The following PRRC2A variants were observed in gnomAD, a reference collection of about 807,000 sequenced individuals.
PRRC2A encodes the protein proline rich coiled-coil 2A.
A neutral mutation model predicts 224.6 loss-of-function variants in PRRC2A; 59 were observed. The ratio of observed to expected loss-of-function variants is 0.26; its 90% CI spans 0.21 to 0.33. The LOEUF (loss-of-function observed/expected upper bound fraction) is 0.33. Among genes scored for constraint, PRRC2A ranks in the 10% least tolerant of loss-of-function variants. PRRC2A has a pLI of 1.00. For missense variants in PRRC2A, 3,095 were observed against 2,880.7 expected, an observed-to-expected ratio of 1.07 and a Z score of -1.70; for synonymous variants, 1,194 against 1,109.5, an observed-to-expected ratio of 1.08 and a Z score of -1.51.
In PRRC2A at chr6:31,635,950, G is replaced by A. The variant is rs1162695123; in HGVS notation, c.5542-17G>A. The stretch of plus-strand genomic sequence containing the variant: ...CACAGATACTAAAGCTGTTTCAACC[G>A]TGCTCCTCTCCTGCAGATCTCTGGG... On this transcript the variant is annotated splice_polypyrimidine_tract_variant and intron_variant, in intron 24 of 30. Coordinates refer to ENST00000376033, the MANE Select transcript of PRRC2A (RefSeq NM_004638.4). 10 of 1,592,146 alleles carry A rather than the reference G, an allele frequency of 6.3e-6. No individual in the cohort carries two copies. In the East Asian group the frequency reaches 8.9e-5, roughly 14 times the overall value.
intron 3 of PRRC2A, 41 bp downstream of exon 3, chr6:31,623,950 A>G: frequency 6.2e-7 from 1 of 1,601,760 alleles, no homozygotes; most frequent in Non-Finnish European, 8.5e-7. Context: ...TGGGTATTTT[A>G]ACTTGAACTT....
In PRRC2A at chr6:31,634,870, A is replaced by G. The variant is rs1186361548; in HGVS notation, c.5053A>G (p.Lys1685Glu). 6.2e-7 allele frequency: 1 copy of G among 1,612,946 alleles called. No individual in the cohort carries two copies. Among genetic ancestry groups the G allele is most frequent in the Non-Finnish European group, 8.5e-7 (1 of 1,179,982 alleles). The change falls in exon 21 of 31, where the codon AAG becomes GAG. Residue 1685 changes from lysine to glutamate, a missense_variant. Coordinates refer to ENST00000376033, the MANE Select transcript of PRRC2A (RefSeq NM_004638.4). The part of the protein sequence containing the change: ...GLKGAAEGPP[K>E]RPGGSSPLNA... The stretch of plus-strand genomic sequence containing the variant: ...CAAGGGGGCAGCAGAGGGACCCCCC[A>G]AGAGGCCTGGAGGCTCCTCACCCCT...
At position 31,627,695 on chromosome 6, in the gene PRRC2A, G is replaced by A; in HGVS notation, c.1291-70G>A. The A allele has an allele frequency of 6.4e-7, 1 of 1,556,104 alleles. No homozygotes were observed. The highest frequency in any genetic ancestry group is 8.7e-7 in the Non-Finnish European group (1 of 1,149,178). On this transcript the variant is annotated intron_variant, in intron 11 of 30. Transcript: ENST00000376033. This position sits in a 1 kb window ranked among gnomAD's most constrained non-coding sequence, Gnocchi z 5.6. ...TCCTGCAAGTAGCGACAGTTGATTT[G>A]TTGTAAAAGAGATGATAGAAAGCAT...
In PRRC2A at chr6:31,637,510, G is replaced by T. The variant is rs377155028; in HGVS notation, c.6398G>T (p.Arg2133Leu). The T allele has an allele frequency of 2.1e-4, 339 of 1,579,546 alleles. 1 individual carries two copies. The highest frequency in any genetic ancestry group is 2.7e-4 in the Non-Finnish European group (315 of 1,163,578). Residue 2133 changes from arginine (R) to leucine (L), a missense_variant, in exon 31 of 31, where the codon CGA (arginine) becomes CTA (leucine). Physicochemically the swap from Arg to Leu is moderately radical, Grantham distance 102. This residue lies in a region of PRRC2A where 662 missense variants were observed against 609.5 expected (regional missense o/e 1.09). Transcript: ENST00000376033. ...KPWERTGPPP[R>L]EGPSRRAEEP... ...TGGGAGCGGACAGGGCCGCCACCTC[G>T]AGAAGGGCCCTCCCGACGGGCAGAG...
chr6:31,634,017 C>T, intron 18 of PRRC2A, 28 bp downstream of exon 18: 1 of 1,595,404 alleles, frequency 6.3e-7, no homozygotes, highest in Non-Finnish European at 8.5e-7. Flanking sequence ...GATTGTGCTT[C>T]ACTGCACTCT....
intron 30 of PRRC2A, 41 bp from the exon 31 acceptor site, chr6:31,637,405 T>C (rs1777581458): frequency 6.2e-7 from 1 of 1,603,862 alleles, no homozygotes; most frequent in Admixed American, 1.7e-5. Context: ...ATCGCTGACC[T>C]CTCACTGTGA....
At position 31,634,495 on chromosome 6, in the gene PRRC2A, C is replaced by A. The variant is rs763521996; in HGVS notation, c.4873C>A (p.Pro1625Thr). The A allele has an allele frequency of 6.2e-7, 1 of 1,612,920 alleles. No individual in the cohort carries two copies. Among genetic ancestry groups the A allele is most frequent in the Non-Finnish European group, 8.5e-7 (1 of 1,179,966 alleles). The change falls in exon 20 of 31, where the codon CCC becomes ACC. Residue 1625 changes from proline to threonine, a missense_variant. Physicochemically the swap from Pro to Thr is conservative, Grantham distance 38 (BLOSUM62 -1). Transcript: ENST00000376033. The stretch of plus-strand genomic sequence containing the variant: ...AGCCACTAGCCGAAAGAGTTACCGG[C>A]CCAGCTCCATGGAGCCTTGGATGGA... ...HTATSRKSYR[P>T]SSMEPWMEPL... is the part of the protein sequence containing the mutation.
chr6:31,625,713 G>A lies in PRRC2A; in HGVS notation c.760-79G>A, dbSNP rs1775831475. On this transcript the variant is annotated intron_variant, in intron 7 of 30. Transcript: ENST00000376033. The surrounding 1 kb of genome is among the most constrained non-coding windows in gnomAD (Gnocchi z 4.1). ...TATGAGATAGAAGGGAGGGTGGGAGGATGATTGATAGCAGGCTTAAGGAGC... is the reference window on the plus strand; with the variant it reads ...TATGAGATAGAAGGGAGGGTGGGAGAATGATTGATAGCAGGCTTAAGGAGC... The A allele has an allele frequency of 5.1e-6, 8 of 1,576,826 alleles. No homozygotes were observed. The highest frequency in any genetic ancestry group is 6.1e-6 in the Non-Finnish European group (7 of 1,146,198).
Position 31,634,068 on chromosome 6 carries a change from C to T in PRRC2A, c.4719+79C>T, listed in dbSNP as rs1777026401. 6.3e-6 allele frequency: 10 copies of T among 1,579,398 alleles called. No homozygotes were observed. The South Asian group carries it at 1.1e-4, about 17-fold the overall frequency. On this transcript the variant is annotated intron_variant, in intron 18 of 30. Coordinates refer to ENST00000376033, the MANE Select transcript of PRRC2A (RefSeq NM_004638.4). The stretch of plus-strand genomic sequence containing the variant: ...TTCTGGGTTATGTTTTCTCTGTTTT[C>T]TTTCCTGTTTCTTTCACTGTGTTTT...
rs984541708 is a variant in PRRC2A at position 31,632,247 on chromosome 6, C to G, written c.3574C>G (p.Leu1192Val). 2.5e-6 allele frequency: 4 copies of G among 1,612,852 alleles called. No homozygotes were observed. Among genetic ancestry groups the G allele is most frequent in the Admixed American group, 3.3e-5 (2 of 59,996 alleles). The change falls in exon 16 of 31, where the codon CTG becomes GTG. Residue 1192 changes from leucine to valine, a missense_variant. Physicochemically the swap from Leu to Val is conservative, Grantham distance 32. Coordinates refer to ENST00000376033, the MANE Select transcript of PRRC2A (RefSeq NM_004638.4). ...CPGWSPPAKS[L>V]APKKPPTGPL... ...AGGCTGGAGCCCTCCAGCCAAGTCT[C>G]TGGCTCCCAAGAAACCTCCCACAGG...
chr6:31,635,828 C>T (rs1561840824), intron 24 of PRRC2A, 79 bp downstream of exon 24: 2 of 1,490,298 alleles, frequency 1.3e-6, no homozygotes, highest in Non-Finnish European at 1.8e-6. Flanking sequence ...ATAATCAAGC[C>T]TTTCTACGTT....
Position 31,627,680 on chromosome 6 carries a change from A to G in PRRC2A, c.1291-85A>G. On this transcript the variant is annotated intron_variant, in intron 11 of 30. Coordinates refer to ENST00000376033, the MANE Select transcript of PRRC2A (RefSeq NM_004638.4). The surrounding 1 kb of genome is among the most constrained non-coding windows in gnomAD (Gnocchi z 5.6). ...GCCTGGGTCGTTGCATCCTGCAAGT[A>G]GCGACAGTTGATTTGTTGTAAAAGA... The G allele has an allele frequency of 6.6e-7, 1 of 1,505,714 alleles. No individual in the cohort carries two copies. Among genetic ancestry groups the G allele is most frequent in the Non-Finnish European group, 8.9e-7 (1 of 1,120,300 alleles). The allele number at this position is 1,505,714 out of a possible 1,614,324, so 93.3% of individuals were successfully genotyped here.
chr6:31,629,324 G>A lies in PRRC2A; in HGVS notation c.1946G>A (p.Arg649Gln), dbSNP rs1038015178. The A allele has an allele frequency of 6.4e-7, 1 of 1,562,382 alleles. No homozygotes were observed. The highest frequency in any genetic ancestry group is 1.2e-5 in the South Asian group (1 of 83,596). The change falls in exon 13 of 31, where the codon CGG (arginine) becomes CAG (glutamine). Residue 649 changes from arginine (R) to glutamine (Q), a missense_variant. Physicochemically the swap from Arg to Gln is conservative, Grantham distance 43 (BLOSUM62 1). Transcript: ENST00000376033. The part of the protein sequence containing the change: ...YQKSLPPRFQ[R>Q]QQQEQLLKQQ... The stretch of plus-strand genomic sequence containing the variant: ...AAGTCGTTGCCTCCTCGTTTCCAGC[G>A]GCAGCAGCAGGTGAAATCAAGTTGT...
In PRRC2A at chr6:31,631,218, C is replaced by A; in HGVS notation, c.2545C>A (p.Pro849Thr). Residue 849 changes from proline to threonine, a missense_variant, in exon 16 of 31, where the codon CCC becomes ACC. Physicochemically the swap from Pro to Thr is conservative, Grantham distance 38. Around this residue, in one of 8 missense-constraint regions of PRRC2A, gnomAD observed 2,001 missense variants for 1,764.9 expected, o/e 1.13. Transcript: ENST00000376033. The surrounding 1 kb of genome is among the most constrained non-coding windows in gnomAD (Gnocchi z 4.5). Reference sequence around the variant, plus strand: ...CTTTCCTGAGAATGGAGCCCCTGGGCCCCCAATCTCTCGCTTTCCTCTGGA... The same window carrying A: ...CTTTCCTGAGAATGGAGCCCCTGGGACCCCAATCTCTCGCTTTCCTCTGGA... The part of the protein sequence containing the change: ...PGFPENGAPG[P>T]PISRFPLEEP... 1 of 1,607,142 alleles carries A rather than the reference C, an allele frequency of 6.2e-7. No homozygotes were observed. Among genetic ancestry groups the A allele is most frequent in the Non-Finnish European group, 8.5e-7 (1 of 1,177,298 alleles).
At position 31,629,580 on chromosome 6, in the gene PRRC2A, G is replaced by A; in HGVS notation, c.1989G>A (p.Gln663=). The change falls in exon 14 of 31, where the codon CAG becomes CAA. Residue 663 remains glutamine, a synonymous_variant. Coordinates refer to ENST00000376033, the MANE Select transcript of PRRC2A (RefSeq NM_004638.4). ...EQLLKQQQQH[Q]WQQHQQGSAP... ...TCCTGAAGCAGCAGCAGCAGCACCA[G>A]TGGCAGCAGCATCAACAGGGCTCTG... 1 of 1,607,326 alleles carries A rather than the reference G, an allele frequency of 6.2e-7. No homozygotes were observed. Among genetic ancestry groups the A allele is most frequent in the Non-Finnish European group, 8.5e-7 (1 of 1,174,880 alleles).
rs897970823 is a variant in PRRC2A, at chr6:31,624,020, C to T, written c.290+111C>T. The T allele has an allele frequency of 5.3e-6, 7 of 1,324,548 alleles. No individual in the cohort carries two copies. The East Asian group carries it at 7.3e-5, about 14-fold the overall frequency. 82.0% of individuals were successfully genotyped at this position (1,324,548 alleles called of 1,614,324 possible). On this transcript the variant is annotated intron_variant, in intron 3 of 30. Coordinates refer to ENST00000376033, the MANE Select transcript of PRRC2A (RefSeq NM_004638.4). The stretch of plus-strand genomic sequence containing the variant: ...GTCTGAGCCAGAGACGAAGAGGTCC[C>T]TTTCTTACCTATTGCAGGTTCCTTG...
chr6:31,626,624 G>C, intron 9 of PRRC2A, 148 bp from the exon 10 acceptor site: 1 of 698,768 alleles, frequency 1.4e-6, no homozygotes, highest in Non-Finnish European at 2.4e-6. Flanking sequence ...GGTGAGAGGA[G>C]TAAGAATGAC....
Position 31,623,912 on chromosome 6 carries a change from A to G in PRRC2A, c.290+3A>G. Reference sequence around the variant, plus strand: ...CAGGAGCAGTCCGACCCCAAGAGGTAGACAGAGGCTTGGGGGACCTAGAGT... The same window carrying G: ...CAGGAGCAGTCCGACCCCAAGAGGTGGACAGAGGCTTGGGGGACCTAGAGT... On this transcript the variant is annotated splice_donor_region_variant and intron_variant, in intron 3 of 30. Coordinates refer to ENST00000376033, the MANE Select transcript of PRRC2A (RefSeq NM_004638.4). The G allele has an allele frequency of 6.2e-7, 1 of 1,613,988 alleles. No homozygotes were observed. The highest frequency in any genetic ancestry group is 8.5e-7 in the Non-Finnish European group (1 of 1,179,878).
intron 12 of PRRC2A, 151 bp downstream of exon 12, chr6:31,628,390 T>G: frequency 7.5e-7 from 1 of 1,341,274 alleles, no homozygotes; most frequent in Non-Finnish European, 9.9e-7. Flanking sequence ...CATTTGTATA[T>G]CTGAAGGAGG....
Sources: gnomAD v4.1 joint callset for allele counts on GRCh38, gnomAD v4.1.1 for gene constraint, gnomAD v4.1.1 regional missense constraint, Gnocchi (gnomAD v3.1) non-coding constraint, MANE v1.5 for transcripts, NCBI Gene and HGNC (gene_info 2026-07-23, HGNC 2026-07-21) for gene names.